The following PRSS54 variants were observed in gnomAD, a reference collection of about 807,000 sequenced individuals.
PRSS54 encodes inactive serine protease 54.
PRSS54 carries 16 observed loss-of-function variants against 19.9 expected under a neutral mutation model. The observed-to-expected ratio is 0.80, with a 90% confidence interval of 0.54 to 1.22. The LOEUF (loss-of-function observed/expected upper bound fraction) is 1.22. Among genes scored for constraint, PRSS54 ranks in the 50% most tolerant of loss-of-function variants. PRSS54 has a pLI of 0.00. For missense variants in PRSS54, 444 were observed against 494.8 expected, an observed-to-expected ratio of 0.90 and a Z score of 0.97; for synonymous variants, 177 against 195.8, an observed-to-expected ratio of 0.90 and a Z score of 0.80.
chr16:58,284,142 G>A (rs1964853684), intron 6 of PRSS54, among the ~76,000 whole-genome samples: 2 of 152,014 alleles, frequency 1.3e-5, no homozygotes, highest in East Asian at 1.9e-4. Context: ...TTTTTTTTGA[G>A]GCAGTAGGAC....
At chr16:58,284,506 C>G in intron 6 of PRSS54, 84 bp downstream of exon 6, 43 of 1,539,176 alleles carry the variant, frequency 2.8e-5, no homozygotes, top group Non-Finnish European at 3.8e-5. Flanking sequence ...AGCTCCCCAT[C>G]TAGGGAAGGG....
chr16:58,293,879 T>C, intron 2 of PRSS54, 57 bp from the exon 3 acceptor site: 1 of 1,425,730 alleles, frequency 7.0e-7, no homozygotes, highest in Non-Finnish European at 9.7e-7. Flanking sequence ...CAGGGTTTTC[T>C]ATGCCTCTTT....
At chr16:58,293,874 T>C in intron 2 of PRSS54, 52 bp from the exon 3 acceptor site, 1 of 1,448,656 alleles carries the variant, frequency 6.9e-7, no homozygotes, top group Non-Finnish European at 9.6e-7. Context: ...ACATGCAGGG[T>C]TTTCTATGCC....
At chr16:58,291,234 C>T (rs2142652796) in intron 3 of PRSS54, 98 bp from the exon 4 acceptor site, 1 of 1,133,250 alleles carries the variant, frequency 8.8e-7, no homozygotes. Context: ...ACGCTATCCG[C>T]AACCCCTTTT....
At chr16:58,282,702 A>G (rs1335252240) in intron 6 of PRSS54, 1 of 152,218 alleles carries the variant, frequency 6.6e-6, no homozygotes, top group African/African-American at 2.4e-5. Flanking sequence ...ACTGGTGAAG[A>G]GGCCCTTGTG....
chr16:58,287,433 C>T (rs1964942637), intron 4 of PRSS54, among the ~76,000 whole-genome samples: 1 of 152,232 alleles, frequency 6.6e-6, no homozygotes, highest in Admixed American at 6.5e-5. Context: ...TGTGCTGACA[C>T]CATCTCTGGG....
chr16:58,294,761 G>C (rs966673883), intron 1 of PRSS54, 126 bp downstream of exon 1: 1 of 152,142 alleles, frequency 6.6e-6, no homozygotes, highest in Admixed American at 6.6e-5. Context: ...GTAGACACTC[G>C]AGTTATCGCC....
intron 6 of PRSS54, chr16:58,284,267 AG>A (rs1325310913): frequency 4.4e-6 from 1 of 225,694 alleles, no homozygotes; most frequent in Non-Finnish European, 9.0e-6. Flanking sequence ...TGAATACAGC[AG>A]CCCCACACTG....
chr16:58,291,907 C>A (rs1393890828), intron 3 of PRSS54, among the ~76,000 whole-genome samples: 1 of 151,974 alleles, frequency 6.6e-6, no homozygotes, highest in Non-Finnish European at 1.5e-5. Context: ...TATGTGTGAC[C>A]TTGTGTATTC....
chr16:58,293,900 C>G, intron 2 of PRSS54, 78 bp from the exon 3 acceptor site: 1 of 1,202,420 alleles, frequency 8.3e-7, no homozygotes, highest in Non-Finnish European at 1.2e-6. Flanking sequence ...TTTCCATCCT[C>G]TTCCCAAACA....
chr16:58,293,582 C>A (rs1204840079), intron 3 of PRSS54, 150 bp downstream of exon 3: 19 of 1,474,272 alleles, frequency 1.3e-5, no homozygotes, highest in Non-Finnish European at 1.7e-5. Flanking sequence ...CTGGTTCCTG[C>A]CACCAATGCA....
chr16:58,287,124 T>A (rs1203692741), intron 4 of PRSS54, among the ~76,000 whole-genome samples: 2 of 152,136 alleles, frequency 1.3e-5, no homozygotes, highest in Non-Finnish European at 2.9e-5. Context: ...AGGAAAAATA[T>A]TTCAAGATAT....
chr16:58,287,328 G>A (rs1206386050), intron 4 of PRSS54, among the ~76,000 whole-genome samples: 1 of 152,176 alleles, frequency 6.6e-6, no homozygotes, highest in East Asian at 1.9e-4. Flanking sequence ...TTAATAAAGG[G>A]ACTCTTTACA....
At chr16:58,286,890 A>G (rs1281003226) in intron 4 of PRSS54, among the ~76,000 whole-genome samples, 1 of 152,212 alleles carries the variant, frequency 6.6e-6, no homozygotes, top group East Asian at 1.9e-4. Flanking sequence ...TCAGCAAAGA[A>G]GCGAAAAGGA....
chr16:58,288,644 T>C (rs147745267), intron 4 of PRSS54, among the ~76,000 whole-genome samples: 2 of 146,392 alleles, frequency 1.4e-5, no homozygotes, highest in African/African-American at 5.1e-5. Context: ...ACTCCTGGGA[T>C]ATCTACACTA....
chr16:58,281,319 C>T (rs969620897), intron 6 of PRSS54: 1 of 157,310 alleles, frequency 6.4e-6, no homozygotes, highest in African/African-American at 2.4e-5. Context: ...GATATGGGAC[C>T]CTGGCAAGTG....
In PRSS54 at chr16:58,290,989, A is replaced by T. The variant is rs767279461; in HGVS notation, c.233T>A (p.Val78Asp). 7 of 1,614,228 alleles carry T rather than the reference A, an allele frequency of 4.3e-6. No individual in the cohort carries two copies. Among genetic ancestry groups the T allele is most frequent in the Admixed American group, 1.7e-5 (1 of 60,024 alleles). The part of the protein sequence containing the change: ...AFGCILSEFW[V>D]LSIASAIQNR... ...CTGAATGGCGGATGCGATGCTGAGGACCCAGAACTCGCTCAGGATGCAGCC... is the reference window on the plus strand; with the variant it reads ...CTGAATGGCGGATGCGATGCTGAGGTCCCAGAACTCGCTCAGGATGCAGCC... The change falls in exon 4 of 7, where the codon GTC becomes GAC. Residue 78 changes from valine to aspartate, a missense_variant. Coordinates refer to ENST00000567164, the MANE Select transcript of PRSS54 (RefSeq NM_001305173.2).
At position 58,284,597 on chromosome 16, in the gene PRSS54, G is replaced by A. The variant is rs369464496; in HGVS notation, c.647C>T (p.Ala216Val). 30 of 1,613,846 alleles carry A rather than the reference G, an allele frequency of 1.9e-5. No homozygotes were observed. In the African/African-American group the frequency reaches 3.2e-4, roughly 17 times the overall value. Reference sequence around the variant, plus strand: ...ACTCCATGATGTTCTTACCAAGCAGGCAGTCTTGGTTTCCTCTTTCGTGTG... The same window carrying A: ...ACTCCATGATGTTCTTACCAAGCAGACAGTCTTGGTTTCCTCTTTCGTGTG... ...GSHTKEETKT[A>V]CLGDPGSPMM... Residue 216 changes from alanine to valine, a missense_variant, in exon 6 of 7, where the codon GCC (alanine) becomes GTC (valine). Transcript: ENST00000567164.
chr16:58,282,256 C>G (rs901699155), intron 6 of PRSS54: 1 of 152,192 alleles, frequency 6.6e-6, no homozygotes, highest in Non-Finnish European at 1.5e-5. Context: ...CCACCCGCCT[C>G]GGCCTCCCCA....
Sources: allele counts gnomAD v4.1 joint callset (sites outside exome capture counted in the v4.1 genomes callset), GRCh38; gene constraint gnomAD v4.1.1; transcripts MANE v1.5; gene names NCBI Gene and HGNC (gene_info 2026-07-23, HGNC 2026-07-21).